NCKAP5: variants seen among roughly 807,000 people sequenced by gnomAD.
The protein encoded by NCKAP5 is nck-associated protein 5.
NCKAP5 carries 92 observed loss-of-function variants against 167.0 expected under a neutral mutation model. That is an observed-to-expected ratio of 0.55 (90% CI 0.47 to 0.66). The LOEUF (loss-of-function observed/expected upper bound fraction) is 0.66, where lower values mean the gene tolerates loss of function less well. Among genes scored for constraint, NCKAP5 ranks in the 30% least tolerant of loss-of-function variants. The pLI is 0.00. For missense variants in NCKAP5, 2,378 were observed against 2,315.0 expected (o/e 1.03, Z -0.56); for synonymous variants, 891 against 877.4 (o/e 1.02, Z -0.27).
chr2:132,895,191 C>T (rs533714302), intron 8 of NCKAP5, among the ~76,000 whole-genome samples: 13 of 151,694 alleles, frequency 8.6e-5, no homozygotes, highest in East Asian at 3.9e-4. Flanking sequence ...ATTAGCCGGG[C>T]GTGGTGGCGG....
chr2:132,860,726 CA>C, intron 10 of NCKAP5, 115 bp from the exon 11 acceptor site: 4 of 1,260,724 alleles, frequency 3.2e-6, no homozygotes, highest in East Asian at 2.6e-5. Context: ...TTTTATTCTT[CA>C]AAGCCCCCAG....
chr2:133,312,699 G>A (rs1356287106), intron 3 of NCKAP5, among the ~76,000 whole-genome samples: 1 of 152,034 alleles, frequency 6.6e-6, no homozygotes, highest in African/African-American at 2.4e-5. Flanking sequence ...ACCTCCCTTT[G>A]GCCTAAATAA....
intron 16 of NCKAP5, among the ~76,000 whole-genome samples, chr2:132,768,300 CCT>C (rs941365287): frequency 1.3e-5 from 2 of 152,128 alleles, no homozygotes; most frequent in African/African-American, 2.4e-5. Flanking sequence ...TTACAAATCC[CCT>C]GTTTCCTTGT....
intron 6 of NCKAP5, among the ~76,000 whole-genome samples, chr2:133,105,795 T>C (rs1300862954): frequency 2.6e-5 from 4 of 152,160 alleles, no homozygotes; most frequent in African/African-American, 9.7e-5. Context: ...TAGCATCTCT[T>C]AAAAAAATGT....
In NCKAP5 at chr2:133,075,826, G is replaced by A. The variant is rs75250357; in HGVS notation, c.341+54152C>T. ...GAAAGCAAAAGATGGGAGAAAAACA[G>A]GCCAAAAATAAAATGGAAGACCTAA... On this transcript the variant is annotated intron_variant, in intron 6 of 19. Transcript: ENST00000409261. Among the ~76,000 whole-genome samples, 827 of 151,974 alleles carry A rather than the reference G, an allele frequency of 5.4e-3. 8 individuals carry two copies. The highest frequency in any genetic ancestry group is 0.019 in the African/African-American group (777 of 41,446).
At chr2:132,848,067 T>A (rs1688802287) in intron 11 of NCKAP5, among the ~76,000 whole-genome samples, 4 of 152,192 alleles carry the variant, frequency 2.6e-5, no homozygotes, top group Admixed American at 2.6e-4. Context: ...ATTTAATATA[T>A]GTTATGTGGA....
At chr2:133,604,679 C>T in the NCKAP5 span, among the ~76,000 whole-genome samples, 7 of 152,102 alleles carry the variant, frequency 4.6e-5, no homozygotes, top group African/African-American at 1.7e-4. Context: ...CTGTGTTAAC[C>T]TCTCTGTGCC....
At chr2:133,344,423 A>T (rs1246294753) in intron 3 of NCKAP5, among the ~76,000 whole-genome samples, 2 of 148,938 alleles carry the variant, frequency 1.3e-5, no homozygotes, top group Admixed American at 1.3e-4. Context: ...AAAAAAAAAA[A>T]GGGTAATAAA....
intron 3 of NCKAP5, among the ~76,000 whole-genome samples, chr2:133,475,091 G>A (rs1050602013): frequency 6.6e-6 from 1 of 152,212 alleles, no homozygotes; most frequent in Non-Finnish European, 1.5e-5. Context: ...TTACAGGTGT[G>A]AGCCACCATG....
In NCKAP5 at chr2:133,517,538, T is replaced by C. The variant is rs1684106934; in HGVS notation, c.-12A>G. On this transcript the variant is annotated 5_prime_UTR_variant, in exon 3 of 20. Coordinates refer to ENST00000409261, the MANE Select transcript of NCKAP5 (RefSeq NM_207363.3). ...CTCTTTCCCTCCATGGATGAAGTTA[T>C]TTATTTTCTTTTGTGACTTATAAGA... The C allele has an allele frequency of 6.6e-7, 1 of 1,505,052 alleles. No homozygotes were observed. Among genetic ancestry groups the C allele is most frequent in the Non-Finnish European group, 8.9e-7 (1 of 1,120,950 alleles). 93.2% of individuals were successfully genotyped at this position (1,505,052 alleles called of 1,614,324 possible).
At chr2:132,793,594 G>T (rs1684245512) in intron 12 of NCKAP5, among the ~76,000 whole-genome samples, 2 of 152,214 alleles carry the variant, frequency 1.3e-5, no homozygotes, top group African/African-American at 4.8e-5. Context: ...GCCTCTAGGA[G>T]AAGCTATTAA....
At chr2:133,498,221 C>G (rs1168584755) in intron 3 of NCKAP5, among the ~76,000 whole-genome samples, 3 of 152,078 alleles carry the variant, frequency 2.0e-5, no homozygotes, top group African/African-American at 7.2e-5. Flanking sequence ...CTGGTCGTTT[C>G]CAGAGCTTCA....
intron 8 of NCKAP5, among the ~76,000 whole-genome samples, chr2:132,885,126 C>T (rs766675927): frequency 6.6e-6 from 1 of 151,784 alleles, no homozygotes; most frequent in Non-Finnish European, 1.5e-5. Flanking sequence ...TAATCTTGAA[C>T]TGATGATTTT....
chr2:133,160,633 C>T (rs1013923048), intron 5 of NCKAP5, among the ~76,000 whole-genome samples: 5 of 151,954 alleles, frequency 3.3e-5, no homozygotes, highest in Non-Finnish European at 7.4e-5. Context: ...TATAAAATAG[C>T]AACTCTGACC....
intron 10 of NCKAP5, among the ~76,000 whole-genome samples, chr2:132,861,148 C>T (rs1204843939): frequency 6.6e-6 from 1 of 152,054 alleles, no homozygotes; most frequent in Admixed American, 6.5e-5. Context: ...TTTTAAAAGG[C>T]CACTTGCCAC....
the NCKAP5 span, among the ~76,000 whole-genome samples, chr2:133,655,142 A>T: frequency 6.6e-6 from 1 of 152,242 alleles, no homozygotes; most frequent in Admixed American, 6.5e-5. Context: ...TCCCAAATGC[A>T]GCAACTTCCT....
chr2:133,132,869 G>A (rs1341866082), intron 5 of NCKAP5, among the ~76,000 whole-genome samples: 1 of 151,830 alleles, frequency 6.6e-6, no homozygotes, highest in Admixed American at 6.6e-5. Context: ...GTAGAGACAG[G>A]GTTTCTCGAT....
Position 133,142,993 on chromosome 2 carries a change from G to T in NCKAP5, c.208-12882C>A, listed in dbSNP as rs576425217. ...TGCATGAAGATGGAAAAGTGATTTG[G>T]CAAGACCATAAAACATTTTCATCCT... On this transcript the variant is annotated intron_variant, in intron 5 of 19. Transcript: ENST00000409261. Among the ~76,000 whole-genome samples, 90 of 152,146 alleles carry T rather than the reference G, an allele frequency of 5.9e-4. 1 individual carries two copies. The highest frequency in any genetic ancestry group is 2.1e-3 in the African/African-American group (88 of 41,538).
At chr2:132,799,063 G>A (rs2105185553) in intron 11 of NCKAP5, among the ~76,000 whole-genome samples, 1 of 152,126 alleles carries the variant, frequency 6.6e-6, no homozygotes, top group Non-Finnish European at 1.5e-5. Context: ...ATAGAATACA[G>A]CCATAAAAAA....
Sources: allele counts gnomAD v4.1 joint callset (sites outside exome capture counted in the v4.1 genomes callset), GRCh38; gene constraint gnomAD v4.1.1; transcripts MANE v1.5; gene names NCBI Gene and HGNC (gene_info 2026-07-23, HGNC 2026-07-21).